The following ZCCHC14 variants were observed in gnomAD, a reference collection of about 807,000 sequenced individuals.
The protein encoded by ZCCHC14 is zinc finger CCHC-type containing 14.
ZCCHC14 carries 16 observed loss-of-function variants against 85.0 expected under a neutral mutation model. The observed-to-expected ratio is 0.19, with a 90% CI of 0.13 to 0.29. ZCCHC14 has a LOEUF of 0.29. Ranked by LOEUF, ZCCHC14 falls within the 10% of genes least tolerant of loss-of-function variation. ZCCHC14 has a pLI of 1.00. For synonymous variants in ZCCHC14, 775 were observed against 630.7 expected (o/e 1.23, Z -3.43); for missense variants, 1,303 against 1,443.5 (o/e 0.90, Z 1.58).
chr16:87,427,317 CAG>C (rs1244334637), intron 3 of ZCCHC14, among the ~76,000 whole-genome samples: 1 of 152,252 alleles, frequency 6.6e-6, no homozygotes, highest in African/African-American at 2.4e-5. Flanking sequence ...GTGATAAAAA[CAG>C]AGACTCAGGG....
At chr16:87,434,990 C>CAAA (rs35789742) in intron 2 of ZCCHC14, among the ~76,000 whole-genome samples, 1 of 74,386 alleles carries the variant, frequency 1.3e-5, no homozygotes, top group Non-Finnish European at 2.5e-5. Context: ...GACTTCGCCT[C>CAAA]AAAAAAAAAA....
rs774066350 is a variant in ZCCHC14 at position 87,411,825 on chromosome 16, G to C, written c.2896C>G (p.Pro966Ala). Reference protein sequence around the residue: ...VFTFPFLPFSPMCSSGYVSAQ... With the variant: ...VFTFPFLPFSAMCSSGYVSAQ... ...CTGACGTAGCCGCTGCTGCACATGGGACTGAAGGGCAAGAAGGGGAAGGTG... is the reference window on the plus strand; with the variant it reads ...CTGACGTAGCCGCTGCTGCACATGGCACTGAAGGGCAAGAAGGGGAAGGTG... The change falls in exon 12 of 13, where the codon CCC becomes GCC. Residue 966 changes from proline to alanine, a missense_variant. Pro to Ala is a conservative substitution (Grantham distance 27). Transcript: ENST00000671377. The C allele has an allele frequency of 6.2e-7, 1 of 1,611,464 alleles. No homozygotes were observed. The highest frequency in any genetic ancestry group is 8.5e-7 in the Non-Finnish European group (1 of 1,179,054).
chr16:87,482,531 CA>C (rs1030571519), intron 1 of ZCCHC14, among the ~76,000 whole-genome samples: 2 of 152,196 alleles, frequency 1.3e-5, no homozygotes, highest in South Asian at 2.1e-4. Context: ...CAAAATCCCC[CA>C]AAAAAACCCT....
chr16:87,438,032 G>A (rs1282423195), intron 2 of ZCCHC14, among the ~76,000 whole-genome samples: 2 of 152,254 alleles, frequency 1.3e-5, no homozygotes, highest in African/African-American at 4.8e-5. Flanking sequence ...TGGCCATGTG[G>A]CAGGAATAAC....
At chr16:87,442,727 T>C (rs993730310) in intron 2 of ZCCHC14, among the ~76,000 whole-genome samples, 5 of 152,128 alleles carry the variant, frequency 3.3e-5, no homozygotes, top group Non-Finnish European at 5.9e-5. Context: ...AGCACAATGC[T>C]AAAAACTAAA....
At chr16:87,437,966 C>G (rs1336587181) in intron 2 of ZCCHC14, among the ~76,000 whole-genome samples, 3 of 152,244 alleles carry the variant, frequency 2.0e-5, no homozygotes, top group Non-Finnish European at 4.4e-5. Flanking sequence ...TGATTTTTTC[C>G]TTTTACACTT....
chr16:87,438,099 C>T (rs1231590035), intron 2 of ZCCHC14, among the ~76,000 whole-genome samples: 1 of 152,254 alleles, frequency 6.6e-6, no homozygotes, highest in Non-Finnish European at 1.5e-5. Flanking sequence ...AGCAACCCAC[C>T]CACAAAGCGG....
chr16:87,417,148 G>T (rs754488664), intron 8 of ZCCHC14, among the ~76,000 whole-genome samples: 1 of 152,156 alleles, frequency 6.6e-6, no homozygotes, highest in African/African-American at 2.4e-5. Context: ...AAGGGGCACC[G>T]TGCCAGAGCT....
chr16:87,447,107 T>C (rs921686403), intron 2 of ZCCHC14, among the ~76,000 whole-genome samples: 3 of 152,152 alleles, frequency 2.0e-5, no homozygotes, highest in Admixed American at 6.5e-5. Context: ...ATTCTGCCAA[T>C]AGACTAGGAA....
At chr16:87,418,748 G>A in intron 7 of ZCCHC14, 99 bp downstream of exon 7, 10 of 1,207,390 alleles carry the variant, frequency 8.3e-6, no homozygotes, top group Non-Finnish European at 1.2e-5. Flanking sequence ...GACTCAACTT[G>A]AGCATGACTT....
intron 8 of ZCCHC14, among the ~76,000 whole-genome samples, chr16:87,415,993 C>T (rs750333001): frequency 1.3e-5 from 2 of 152,118 alleles, no homozygotes; most frequent in Admixed American, 1.3e-4. Context: ...GTGGTGCGAT[C>T]TCGGCTCACT....
intron 2 of ZCCHC14, among the ~76,000 whole-genome samples, chr16:87,442,273 GCCACA>G (rs1422006966): frequency 2.0e-5 from 3 of 152,318 alleles, no homozygotes; most frequent in Admixed American, 2.0e-4. Flanking sequence ...TGGCACCACA[GCCACA>G]CCCCACAGAA....
chr16:87,456,905 CACAAAA>C (rs1910995972), intron 2 of ZCCHC14, among the ~76,000 whole-genome samples: 1 of 152,186 alleles, frequency 6.6e-6, no homozygotes, highest in Non-Finnish European at 1.5e-5. Context: ...TTCACTGTCT[CACAAAA>C]AGAAAACTTT....
intron 1 of ZCCHC14, among the ~76,000 whole-genome samples, chr16:87,470,149 A>G (rs775508475): frequency 1.3e-5 from 2 of 152,026 alleles, no homozygotes; most frequent in African/African-American, 2.4e-5. Flanking sequence ...CCTGGGCAAC[A>G]TAGTGAGACT....
chr16:87,485,559 A>C (rs1473694411), intron 1 of ZCCHC14, among the ~76,000 whole-genome samples: 1 of 151,068 alleles, frequency 6.6e-6, no homozygotes, highest in Admixed American at 6.6e-5. Flanking sequence ...TTAAACTAAC[A>C]AGATAACTAC....
intron 2 of ZCCHC14, among the ~76,000 whole-genome samples, chr16:87,442,124 T>C (rs1305805261): frequency 6.6e-6 from 1 of 152,200 alleles, no homozygotes; most frequent in Non-Finnish European, 1.5e-5. Flanking sequence ...CGTGGCGTTG[T>C]GGGTGCGTTC....
intron 9 of ZCCHC14, among the ~76,000 whole-genome samples, chr16:87,415,073 G>C (rs1236724822): frequency 6.6e-6 from 1 of 152,124 alleles, no homozygotes; most frequent in Non-Finnish European, 1.5e-5. Context: ...GACAGAGCGA[G>C]ACTCCGTCTC....
At chr16:87,489,264 G>A (rs1912645047) in intron 1 of ZCCHC14, among the ~76,000 whole-genome samples, 1 of 152,148 alleles carries the variant, frequency 6.6e-6, no homozygotes, top group African/African-American at 2.4e-5. Flanking sequence ...GGAAATGACA[G>A]CCCAAGGTTA....
At chr16:87,442,333 C>T (rs1860539632) in intron 2 of ZCCHC14, among the ~76,000 whole-genome samples, 1 of 152,164 alleles carries the variant, frequency 6.6e-6, no homozygotes, top group South Asian at 2.1e-4. Flanking sequence ...GTCAACTGCA[C>T]CAAACCAAAA....
Sources: allele counts gnomAD v4.1 joint callset (sites outside exome capture counted in the v4.1 genomes callset), GRCh38; gene constraint gnomAD v4.1.1; transcripts MANE v1.5; gene names NCBI Gene and HGNC (gene_info 2026-07-23, HGNC 2026-07-21).